PTPRT: variants seen among roughly 807,000 people sequenced by gnomAD.
PTPRT encodes receptor-type tyrosine-protein phosphatase T.
PTPRT carries 56 observed loss-of-function variants against 176.8 expected under a neutral mutation model. The observed-to-expected ratio is 0.32, with a 90% CI of 0.26 to 0.40. The LOEUF (loss-of-function observed/expected upper bound fraction) is 0.40, where lower values mean the gene tolerates loss of function less well. PTPRT is among the 10% of genes least tolerant of loss of function. PTPRT has a pLI of 1.00. For synonymous variants in PTPRT, 783 were observed against 739.0 expected (o/e 1.06, Z -0.96); for missense variants, 1,540 against 1,908.2 (o/e 0.81, Z 3.60).
intron 16 of PTPRT, among the ~76,000 whole-genome samples, chr20:42,190,171 C>T (rs6016714): frequency 6.6e-6 from 1 of 152,204 alleles, no homozygotes; most frequent in Non-Finnish European, 1.5e-5. Flanking sequence ...TTGGAGCAAC[C>T]TGAAAATATA....
chr20:42,429,581 G>A (rs925158928), intron 9 of PTPRT, among the ~76,000 whole-genome samples: 2 of 152,158 alleles, frequency 1.3e-5, no homozygotes, highest in Non-Finnish European at 2.9e-5. Flanking sequence ...TCAATCTCCT[G>A]TGCCAGGGCA....
At chr20:42,740,294 G>A (rs1165903093) in intron 6 of PTPRT, among the ~76,000 whole-genome samples, 1 of 152,156 alleles carries the variant, frequency 6.6e-6, no homozygotes, top group Non-Finnish European at 1.5e-5. Context: ...TGAGCCCTAG[G>A]ATGTGATCTG....
rs903997413 is a variant in PTPRT at position 42,290,945 on chromosome 20, T to C, written c.2140-8420A>G. ...AAGCCCTAGGTACCTGGCTAATACA[T>C]ACAATTCTTACTTTACTGCTCTATT... On this transcript the variant is annotated intron_variant, in intron 12 of 30. Transcript: ENST00000373187. Among the ~76,000 whole-genome samples, 5 of 152,146 alleles carry C rather than the reference T, an allele frequency of 3.3e-5. No homozygotes were observed. The East Asian group carries it at 7.7e-4, about 24-fold the overall frequency.
Position 42,367,475 on chromosome 20 carries a change from T to C in PTPRT, c.1561-15190A>G, listed in dbSNP as rs74351180. Among the ~76,000 whole-genome samples the C allele has an allele frequency of 9.4e-3, 1,427 of 152,332 alleles. 28 individuals are homozygous for C. The highest frequency in any genetic ancestry group is 0.032 in the African/African-American group (1,344 of 41,570). On this transcript the variant is annotated intron_variant, in intron 9 of 30. Coordinates refer to ENST00000373187, the MANE Select transcript of PTPRT (RefSeq NM_007050.6). ...CCCAGGAACAAACCAGTGAAGACAC[T>C]GCCTTCCTAGAGTTTACCTTCTAGT...
intron 1 of PTPRT, among the ~76,000 whole-genome samples, chr20:43,106,122 G>C (rs2012594108): frequency 6.6e-6 from 1 of 152,088 alleles, no homozygotes; most frequent in African/African-American, 2.4e-5. Flanking sequence ...GACTGGTGCA[G>C]TAGGAACAGC....
At chr20:42,359,160 C>T (rs1211594729) in intron 9 of PTPRT, among the ~76,000 whole-genome samples, 1 of 152,204 alleles carries the variant, frequency 6.6e-6, no homozygotes, top group East Asian at 1.9e-4. Context: ...GTTTCATAAG[C>T]TCTCCAGGTG....
intron 1 of PTPRT, among the ~76,000 whole-genome samples, chr20:43,039,534 CTGA>C (rs987510195): frequency 6.6e-6 from 1 of 151,912 alleles, no homozygotes; most frequent in African/African-American, 2.4e-5. Flanking sequence ...GAAGGCCTTT[CTGA>C]TGATGCCATG....
intron 1 of PTPRT, among the ~76,000 whole-genome samples, chr20:43,074,210 AATT>A (rs1449463196): frequency 6.6e-6 from 1 of 152,218 alleles, no homozygotes; most frequent in Non-Finnish European, 1.5e-5. Flanking sequence ...ACTATAATAT[AATT>A]GACTTAACCA....
At chr20:42,570,846 G>A (rs946370511) in intron 7 of PTPRT, among the ~76,000 whole-genome samples, 2 of 150,236 alleles carry the variant, frequency 1.3e-5, no homozygotes, top group Non-Finnish European at 2.9e-5. Context: ...TAACTTAATT[G>A]CTTTAATTAA....
At chr20:42,072,666 G>A (rs1982409081), downstream of PTPRT, 1 of 182,936 alleles carries the variant, frequency 5.5e-6, no homozygotes, top group Admixed American at 6.3e-5. Context: ...TAAATATAAA[G>A]AAACCTAGCT....
intron 15 of PTPRT, among the ~76,000 whole-genome samples, chr20:42,229,797 C>T (rs1219025057): frequency 6.6e-6 from 1 of 152,140 alleles, no homozygotes; most frequent in Non-Finnish European, 1.5e-5. Context: ...CAAAAATGGC[C>T]TTAAACCCAC....
At chr20:42,159,740 A>C (rs1989509633) in intron 17 of PTPRT, among the ~76,000 whole-genome samples, 1 of 152,174 alleles carries the variant, frequency 6.6e-6, no homozygotes. Flanking sequence ...CATTGACATA[A>C]ACATTTTTGT....
intron 1 of PTPRT, among the ~76,000 whole-genome samples, chr20:42,955,083 A>C (rs1056854366): frequency 1.3e-5 from 2 of 152,276 alleles, no homozygotes; most frequent in Non-Finnish European, 2.9e-5. Context: ...CGCACACTCT[A>C]TCCCCCTCTT....
intron 7 of PTPRT, among the ~76,000 whole-genome samples, chr20:42,595,213 C>T (rs184084106): frequency 3.9e-5 from 6 of 152,152 alleles, no homozygotes; most frequent in African/African-American, 1.4e-4. Flanking sequence ...ATACTGCATG[C>T]ACCTCTAACT....
Position 42,620,294 on chromosome 20 carries a change from C to G in PTPRT, c.1153+57572G>C, listed in dbSNP as rs999100500. ...GGACCCACTTGAGGAGGCAGTCTGC[C>G]TATTCTGAGATCTCCAGCTGCGTGC... On this transcript the variant is annotated intron_variant, in intron 7 of 30. Coordinates refer to ENST00000373187, the MANE Select transcript of PTPRT (RefSeq NM_007050.6). 9.4e-5 allele frequency among the ~76,000 whole-genome samples: 14 copies of G among 149,732 alleles called. 1 individual carries two copies. Among genetic ancestry groups the G allele is most frequent in the African/African-American group, 3.3e-4 (13 of 39,600 alleles).
At chr20:42,912,204 C>T (rs1183758818) in intron 1 of PTPRT, among the ~76,000 whole-genome samples, 1 of 152,132 alleles carries the variant, frequency 6.6e-6, no homozygotes, top group African/African-American at 2.4e-5. Context: ...CTTGCATCCT[C>T]ACTAGTACTA....
At chr20:42,164,644 C>T (rs568322737) in intron 16 of PTPRT, among the ~76,000 whole-genome samples, 179 of 152,240 alleles carry the variant, frequency 1.2e-3, no homozygotes, top group African/African-American at 4.1e-3. Context: ...AATTTTCCAT[C>T]GTTAGGTTTA....
intron 7 of PTPRT, among the ~76,000 whole-genome samples, chr20:42,619,079 C>T (rs953767020): frequency 6.6e-5 from 10 of 150,980 alleles, no homozygotes; most frequent in African/African-American, 2.0e-4. Flanking sequence ...CGGCTGGTAC[C>T]GGTTGCTCCT....
chr20:42,037,675 A>G, the PTPRT span, among the ~76,000 whole-genome samples: 1 of 152,172 alleles, frequency 6.6e-6, no homozygotes, highest in Non-Finnish European at 1.5e-5. Flanking sequence ...CTCAGGATTC[A>G]GTTCTTCCAT....
Sources: gnomAD v4.1 joint callset for allele counts (sites outside exome capture counted in the v4.1 genomes callset) on GRCh38, gnomAD v4.1.1 for gene constraint, MANE v1.5 for transcripts, NCBI Gene and HGNC (gene_info 2026-07-23, HGNC 2026-07-21) for gene names.